The following GRM7 variants were observed in gnomAD, a reference collection of about 807,000 sequenced individuals.
GRM7 encodes glutamate metabotropic receptor 7, also known as metabotropic glutamate receptor 7.
A neutral mutation model predicts 84.5 loss-of-function variants in GRM7; 35 were observed. The ratio of observed to expected loss-of-function variants is 0.41; its 90% CI spans 0.32 to 0.55. GRM7 has a LOEUF of 0.55. Ranked by LOEUF, GRM7 falls within the 20% of genes least tolerant of loss-of-function variation. The probability of loss-of-function intolerance (pLI) is 0.19; values close to 1 mark genes in which losing one functional copy is unlikely to be tolerated. For synonymous variants in GRM7, 487 were observed against 455.1 expected (o/e 1.07, Z -0.89); for missense variants, 1,003 against 1,194.6 (o/e 0.84, Z 2.36).
intron 1 of GRM7, among the ~76,000 whole-genome samples, chr3:6,975,678 T>C (rs577705263): frequency 6.6e-6 from 1 of 152,324 alleles, no homozygotes; most frequent in Admixed American, 6.5e-5. Flanking sequence ...TCTAGGCTAA[T>C]AGATTTATTC....
chr3:7,547,051 C>T (rs1026993774), intron 7 of GRM7, among the ~76,000 whole-genome samples: 1 of 151,986 alleles, frequency 6.6e-6, no homozygotes, highest in Non-Finnish European at 1.5e-5. Context: ...TCCTACAGAA[C>T]CCCCAAGGCC....
chr3:7,538,844 T>G (rs74491580), intron 7 of GRM7, among the ~76,000 whole-genome samples: 1 of 152,210 alleles, frequency 6.6e-6, no homozygotes, highest in Non-Finnish European at 1.5e-5. Flanking sequence ...AGTGAACAGA[T>G]GCCAGATAAA....
intron 1 of GRM7, among the ~76,000 whole-genome samples, chr3:6,980,970 G>T (rs1161666172): frequency 1.3e-5 from 2 of 152,180 alleles, no homozygotes; most frequent in Non-Finnish European, 2.9e-5. Context: ...TTTTTTCCCA[G>T]TGCAAAGTCT....
intron 8 of GRM7, among the ~76,000 whole-genome samples, chr3:7,611,654 C>T (rs1363965352): frequency 6.6e-6 from 1 of 152,118 alleles, no homozygotes; most frequent in Admixed American, 6.6e-5. Flanking sequence ...TCTGTTCTTG[C>T]TCATAAAAGT....
chr3:7,374,262 A>G (rs1694253796), intron 4 of GRM7, among the ~76,000 whole-genome samples: 1 of 151,964 alleles, frequency 6.6e-6, no homozygotes, highest in Non-Finnish European at 1.5e-5. Context: ...TTTTTATTAT[A>G]TATGTTTTAT....
intron 8 of GRM7, among the ~76,000 whole-genome samples, chr3:7,638,783 G>A (rs946508624): frequency 1.3e-5 from 2 of 152,184 alleles, no homozygotes; most frequent in Non-Finnish European, 2.9e-5. Flanking sequence ...ATGTGGAAAC[G>A]AAGACACCAC....
At chr3:7,619,624 T>G (rs1697266005) in intron 8 of GRM7, among the ~76,000 whole-genome samples, 1 of 152,116 alleles carries the variant, frequency 6.6e-6, no homozygotes, top group Admixed American at 6.6e-5. Flanking sequence ...TCCTCATGTC[T>G]TCTGAGGAAG....
rs1408663500 is a variant in GRM7, at chr3:7,578,985, T to C, written c.2079T>C (p.Ala693=). ...IFEQGKKSVT[A]PRLISPTSQL... Reference sequence around the variant, plus strand: ...AGCAGGGCAAGAAATCAGTAACAGCTCCCAGACTCATAAGCCCAACATCAC... The same window carrying C: ...AGCAGGGCAAGAAATCAGTAACAGCCCCCAGACTCATAAGCCCAACATCAC... The change falls in exon 8 of 10, where the codon GCT becomes GCC. Residue 693 remains alanine, a synonymous_variant. Coordinates refer to ENST00000357716, the MANE Select transcript of GRM7 (RefSeq NM_000844.4). 5 of 1,613,964 alleles carry C rather than the reference T, an allele frequency of 3.1e-6. No homozygotes were observed. The highest frequency in any genetic ancestry group is 1.7e-5 in the Admixed American group (1 of 59,994).
chr3:7,118,155 G>T (rs780604476), intron 1 of GRM7, among the ~76,000 whole-genome samples: 1 of 152,106 alleles, frequency 6.6e-6, no homozygotes, highest in Non-Finnish European at 1.5e-5. Context: ...GGAGGGCAAG[G>T]TGGGAGGATC....
chr3:6,902,882 C>CA (rs60680312), intron 1 of GRM7, among the ~76,000 whole-genome samples: 14,950 of 150,258 alleles, frequency 0.099, 865 homozygotes, highest in Non-Finnish European at 0.14. Flanking sequence ...CACACACACA[C>CA]CCCTACTCTA....
chr3:6,935,677 A>AATTATTATTATTATTATT (rs57669228), intron 1 of GRM7, among the ~76,000 whole-genome samples: 8 of 142,446 alleles, frequency 5.6e-5, no homozygotes, highest in African/African-American at 1.6e-4. Context: ...CTTATTTTTA[A>AATTATTATTATTATTATT]ATTATTATTA....
intron 8 of GRM7, among the ~76,000 whole-genome samples, chr3:7,588,621 G>A (rs1399142071): frequency 6.6e-6 from 1 of 152,154 alleles, no homozygotes; most frequent in Non-Finnish European, 1.5e-5. Flanking sequence ...TCAATAGAGA[G>A]ATCATAGAGC....
chr3:6,873,692 C>T (rs1695206080), intron 1 of GRM7, among the ~76,000 whole-genome samples: 1 of 152,192 alleles, frequency 6.6e-6, no homozygotes, highest in Non-Finnish European at 1.5e-5. Context: ...CTTTCCTAGC[C>T]TTATTCCATT....
At chr3:7,387,055 G>T (rs1694813443) in intron 4 of GRM7, among the ~76,000 whole-genome samples, 1 of 152,086 alleles carries the variant, frequency 6.6e-6, no homozygotes, top group Non-Finnish European at 1.5e-5. Context: ...TATTGGCCAT[G>T]TTTATGTCTT....
intron 1 of GRM7, among the ~76,000 whole-genome samples, chr3:7,053,677 T>A (rs1697095757): frequency 6.6e-6 from 1 of 151,670 alleles, no homozygotes; most frequent in Non-Finnish European, 1.5e-5. Context: ...ATTGACCTTG[T>A]ATGAAGGCTT....
intron 2 of GRM7, among the ~76,000 whole-genome samples, chr3:7,147,372 T>A (rs1333162873): frequency 8.5e-5 from 13 of 152,200 alleles, no homozygotes; most frequent in Admixed American, 8.5e-4. Context: ...GGTTTCCCCA[T>A]ATGGATGTAT....
chr3:7,599,397 TTGA>T (rs1696205184), intron 8 of GRM7, among the ~76,000 whole-genome samples: 1 of 152,180 alleles, frequency 6.6e-6, no homozygotes, highest in Non-Finnish European at 1.5e-5. Flanking sequence ...AGAAGATCAC[TTGA>T]TGATATATTG....
chr3:7,389,214 T>C (rs1694897914), intron 4 of GRM7, among the ~76,000 whole-genome samples: 1 of 152,162 alleles, frequency 6.6e-6, no homozygotes, highest in Non-Finnish European at 1.5e-5. Context: ...TTGATTTTGG[T>C]ATTTATTGCA....
chr3:6,899,893 G>T (rs558365445), intron 1 of GRM7, among the ~76,000 whole-genome samples: 1 of 152,108 alleles, frequency 6.6e-6, no homozygotes, highest in Non-Finnish European at 1.5e-5. Flanking sequence ...AATTAGAGGT[G>T]TGTGTGTGAC....
Sources: gnomAD v4.1 joint callset for allele counts (sites outside exome capture counted in the v4.1 genomes callset) on GRCh38, gnomAD v4.1.1 for gene constraint, MANE v1.5 for transcripts, NCBI Gene and HGNC (gene_info 2026-07-23, HGNC 2026-07-21) for gene names.